DGKB: variants seen among roughly 807,000 people sequenced by gnomAD.
DGKB encodes the protein 90 kDa diacylglycerol kinase.
DGKB carries 67 observed loss-of-function variants against 114.3 expected under a neutral mutation model. The ratio of observed to expected loss-of-function variants is 0.59; its 90% CI spans 0.48 to 0.72. The LOEUF is 0.72. Ranked by LOEUF, DGKB falls within the 30% of genes least tolerant of loss-of-function variation. DGKB has a pLI of 0.00. For synonymous variants in DGKB, 398 were observed against 323.1 expected, an observed-to-expected ratio of 1.23 and a Z score of -2.49; for missense variants, 907 against 975.2, an observed-to-expected ratio of 0.93 and a Z score of 0.93.
At chr7:14,858,538 A>C (rs1444868353) in intron 1 of DGKB, among the ~76,000 whole-genome samples, 1 of 152,208 alleles carries the variant, frequency 6.6e-6, no homozygotes, top group East Asian at 1.9e-4. Context: ...GTGGAGCAGG[A>C]ACAAACAAGA....
intron 23 of DGKB, among the ~76,000 whole-genome samples, chr7:14,243,162 T>C (rs892529692): frequency 8.6e-5 from 13 of 151,536 alleles, no homozygotes; most frequent in African/African-American, 3.2e-4. Flanking sequence ...GAAAAAAAAA[T>C]AGAAAAGGGG....
intron 1 of DGKB, among the ~76,000 whole-genome samples, chr7:14,940,365 C>A (rs1266810687): frequency 2.7e-5 from 4 of 149,998 alleles, no homozygotes; most frequent in Non-Finnish European, 1.5e-5. Flanking sequence ...TTAATTTCTA[C>A]AAGTTTTTAT....
At chr7:14,350,450 A>G (rs530702528) in intron 21 of DGKB, among the ~76,000 whole-genome samples, 2 of 152,206 alleles carry the variant, frequency 1.3e-5, no homozygotes, top group Admixed American at 1.3e-4. Flanking sequence ...AAAAGAATAA[A>G]AAGTAACCTA....
chr7:14,597,205 C>A (rs1467640508), intron 17 of DGKB, among the ~76,000 whole-genome samples: 2 of 151,896 alleles, frequency 1.3e-5, no homozygotes, highest in African/African-American at 4.8e-5. Context: ...AAGACTCCGT[C>A]TCAAAAAAAA....
chr7:14,846,604 A>T (rs188498182), intron 1 of DGKB, among the ~76,000 whole-genome samples: 3 of 152,316 alleles, frequency 2.0e-5, no homozygotes, highest in African/African-American at 7.2e-5. Flanking sequence ...CGGTGCATTC[A>T]CAAGTTTCCT....
chr7:14,750,055 A>T (rs1833884129), intron 4 of DGKB: 1 of 495,948 alleles, frequency 2.0e-6, no homozygotes, highest in Admixed American at 2.1e-5. Context: ...ACTGCACTAA[A>T]TATGTTATAT....
chr7:14,176,801 C>T (rs1268328007), intron 25 of DGKB, 38 bp downstream of exon 25: 1 of 1,582,430 alleles, frequency 6.3e-7, no homozygotes, highest in Non-Finnish European at 8.6e-7. Flanking sequence ...GAAAGCAAAA[C>T]TGAGATTGAC....
At chr7:14,423,051 GT>G (rs1306902941) in intron 21 of DGKB, among the ~76,000 whole-genome samples, 1 of 151,904 alleles carries the variant, frequency 6.6e-6, no homozygotes, top group Non-Finnish European at 1.5e-5. Context: ...TGAAGCCTGT[GT>G]TTAATAATCA....
intron 7 of DGKB, among the ~76,000 whole-genome samples, chr7:14,700,685 T>A (rs569951676): frequency 2.6e-5 from 4 of 152,192 alleles, no homozygotes; most frequent in Non-Finnish European, 4.4e-5. Flanking sequence ...TCCAACCTCA[T>A]TGCTTTGCTT....
intron 22 of DGKB, among the ~76,000 whole-genome samples, chr7:14,339,342 A>C (rs546767548): frequency 1.3e-5 from 2 of 150,716 alleles, no homozygotes; most frequent in Non-Finnish European, 3.0e-5. Context: ...CAGTTGTCCA[A>C]ATGAATATGG....
intron 23 of DGKB, among the ~76,000 whole-genome samples, chr7:14,258,528 T>C (rs1467956215): frequency 6.6e-6 from 1 of 152,208 alleles, no homozygotes; most frequent in African/African-American, 2.4e-5. Flanking sequence ...TATAGCTTCC[T>C]TGCATAATCC....
At chr7:14,889,914 T>C (rs1393263789) in intron 1 of DGKB, among the ~76,000 whole-genome samples, 2 of 151,588 alleles carry the variant, frequency 1.3e-5, no homozygotes, top group Non-Finnish European at 3.0e-5. Context: ...TTTTTCTGAT[T>C]GGCCTGGGAT....
chr7:14,733,457 C>G (rs1055383494), intron 5 of DGKB, among the ~76,000 whole-genome samples: 1 of 152,076 alleles, frequency 6.6e-6, no homozygotes, highest in African/African-American at 2.4e-5. Flanking sequence ...GAGGCTGAGG[C>G]GGGCAGATTG....
At chr7:14,825,592 C>T (rs945604493) in intron 2 of DGKB, among the ~76,000 whole-genome samples, 1 of 152,108 alleles carries the variant, frequency 6.6e-6, no homozygotes, top group Admixed American at 6.5e-5. Flanking sequence ...GGTGGTAATG[C>T]AAGCGATGGC....
intron 1 of DGKB, among the ~76,000 whole-genome samples, chr7:14,888,029 G>A (rs936587952): frequency 4.0e-5 from 6 of 151,708 alleles, no homozygotes; most frequent in African/African-American, 1.2e-4. Flanking sequence ...GCTTGAATAA[G>A]TAGAAATAAT....
intron 23 of DGKB, among the ~76,000 whole-genome samples, chr7:14,288,825 C>T (rs910719386): frequency 5.9e-5 from 9 of 152,132 alleles, no homozygotes; most frequent in Non-Finnish European, 1.0e-4. Context: ...ACAGGAGGTT[C>T]CTTGACGTGT....
At chr7:14,232,678 A>C (rs1490805424) in intron 23 of DGKB, among the ~76,000 whole-genome samples, 1 of 152,076 alleles carries the variant, frequency 6.6e-6, no homozygotes, top group South Asian at 2.1e-4. Flanking sequence ...TAACTTTTTA[A>C]AGGGCACAGT....
intron 21 of DGKB, among the ~76,000 whole-genome samples, chr7:14,457,991 G>A (rs977745753): frequency 6.6e-6 from 1 of 152,162 alleles, no homozygotes; most frequent in Admixed American, 6.5e-5. Flanking sequence ...CGGGAAGTGC[G>A]GCAAGGCTGA....
At chr7:14,957,554 G>C (rs1003142779) in intron 1 of DGKB, among the ~76,000 whole-genome samples, 1 of 151,932 alleles carries the variant, frequency 6.6e-6, no homozygotes, top group Non-Finnish European at 1.5e-5. Flanking sequence ...TATTTCCTGA[G>C]GCTAGCTTTT....
Sources: allele counts gnomAD v4.1 joint callset (sites outside exome capture counted in the v4.1 genomes callset), GRCh38; gene constraint gnomAD v4.1.1; transcripts MANE v1.5; gene names NCBI Gene and HGNC (gene_info 2026-07-23, HGNC 2026-07-21).